WASL: variants seen among roughly 807,000 people sequenced by gnomAD.
The protein encoded by WASL is WASP like actin nucleation promoting factor.
Under a neutral mutation model 55.5 loss-of-function variants are expected in WASL, and 20 were observed. The ratio of observed to expected loss-of-function variants is 0.36; its 90% CI spans 0.25 to 0.52. WASL has a LOEUF of 0.52. Among genes scored for constraint, WASL ranks in the 20% least tolerant of loss-of-function variants. WASL has a pLI of 0.92. For synonymous variants in WASL, 249 were observed against 217.6 expected, an observed-to-expected ratio of 1.14 and a Z score of -1.27; for missense variants, 504 against 622.5, an observed-to-expected ratio of 0.81 and a Z score of 2.03.
intron 1 of WASL, among the ~76,000 whole-genome samples, chr7:123,728,733 G>A (rs887049208): frequency 6.6e-6 from 1 of 152,126 alleles, no homozygotes; most frequent in Admixed American, 6.5e-5. Context: ...CTACTTGGGA[G>A]GCTGAGGCAG....
At chr7:123,703,701 A>G (rs537895111) in intron 5 of WASL, among the ~76,000 whole-genome samples, 1 of 152,308 alleles carries the variant, frequency 6.6e-6, no homozygotes, top group South Asian at 2.1e-4. Context: ...AAGGCAACGT[A>G]TCTGTTTAAA....
At chr7:123,713,364 G>A (rs1315346364) in intron 1 of WASL, among the ~76,000 whole-genome samples, 1 of 152,010 alleles carries the variant, frequency 6.6e-6, no homozygotes, top group Non-Finnish European at 1.5e-5. Context: ...TGTTACGCAG[G>A]CTGGTCTCAA....
chr7:123,748,627 C>T lies in WASL; in HGVS notation c.108G>A (p.Lys36=). The change falls in exon 1 of 11, where the codon AAG becomes AAA. Residue 36 remains lysine, a synonymous_variant. Transcript: ENST00000223023. The part of the protein sequence containing the change: ...ENESLFTFLG[K]KCVTMSSAVV... The stretch of plus-strand genomic sequence containing the variant: ...GGTCTCGTCCACTGACCACACATTT[C>T]TTGCCGAGGAAAGTGAAGAGGGACT... 1 of 1,613,622 alleles carries T rather than the reference C, an allele frequency of 6.2e-7. No individual in the cohort carries two copies. Among genetic ancestry groups the T allele is most frequent in the South Asian group, 1.1e-5 (1 of 91,054 alleles).
At chr7:123,708,686 A>G (rs909761678) in intron 2 of WASL, among the ~76,000 whole-genome samples, 28 of 152,272 alleles carry the variant, frequency 1.8e-4, no homozygotes, top group African/African-American at 6.7e-4. Context: ...CCTGGGCTAA[A>G]TAACAGTACA....
At chr7:123,732,979 T>TAA (rs150606156) in intron 1 of WASL, among the ~76,000 whole-genome samples, 1 of 151,568 alleles carries the variant, frequency 6.6e-6, no homozygotes, top group Non-Finnish European at 1.5e-5. Flanking sequence ...TCATTCATAA[T>TAA]AAAAAAAAAT....
intron 7 of WASL, 59 bp from the exon 8 acceptor site, chr7:123,694,927 T>A: frequency 1.3e-6 from 2 of 1,537,134 alleles, no homozygotes; most frequent in Non-Finnish European, 1.8e-6. Flanking sequence ...AAACATAATT[T>A]TAAGTCTCAT....
In WASL at chr7:123,723,583, G is replaced by C. The variant is rs150823941; in HGVS notation, c.118-14360C>G. Among the ~76,000 whole-genome samples the C allele has an allele frequency of 5.0e-4, 76 of 152,290 alleles. 1 individual carries two copies. Among genetic ancestry groups the C allele is most frequent in the African/African-American group, 1.8e-3 (75 of 41,558 alleles). ...CAACCCCAATACTTCCAGTGTTAGA[G>C]ACTCATTGCCTCTCTCCAGGAACAA... On this transcript the variant is annotated intron_variant, in intron 1 of 10. Coordinates refer to ENST00000223023, the MANE Select transcript of WASL (RefSeq NM_003941.4).
intron 5 of WASL, among the ~76,000 whole-genome samples, chr7:123,702,990 T>C (rs961527253): frequency 2.0e-5 from 3 of 152,236 alleles, no homozygotes; most frequent in Non-Finnish European, 4.4e-5. Context: ...CTCAATACTG[T>C]ATATACTCTC....
chr7:123,684,381 T>C lies in WASL; in HGVS notation c.*138A>G. 2.9e-6 allele frequency: 1 copy of C among 349,346 alleles called. No individual in the cohort carries two copies. Among genetic ancestry groups the C allele is most frequent in the Non-Finnish European group, 5.3e-6 (1 of 188,288 alleles). 21.6% of individuals were successfully genotyped at this position (349,346 alleles called of 1,614,324 possible). A position where few individuals can be genotyped will look rare whatever the true frequency, so the allele number is the denominator to read the frequency against. ...AGATTAAATGAGGTATTGCACAGATTAAAAAAAAGCAAAAAAGGCAACAAA... is the reference window on the plus strand; with the variant it reads ...AGATTAAATGAGGTATTGCACAGATCAAAAAAAAGCAAAAAAGGCAACAAA... On this transcript the variant is annotated 3_prime_UTR_variant, in exon 11 of 11. Coordinates refer to ENST00000223023, the MANE Select transcript of WASL (RefSeq NM_003941.4).
chr7:123,732,308 TGA>T (rs1405568107), intron 1 of WASL, among the ~76,000 whole-genome samples: 4 of 151,876 alleles, frequency 2.6e-5, no homozygotes, highest in Admixed American at 1.3e-4. Context: ...CCAGCCTGGG[TGA>T]TAGAGCGAGA....
intron 1 of WASL, among the ~76,000 whole-genome samples, chr7:123,722,169 C>T (rs550860488): frequency 1.9e-4 from 29 of 152,002 alleles, no homozygotes; most frequent in Non-Finnish European, 1.6e-4. Flanking sequence ...ATTTCAAGTG[C>T]GCAATAATCA....
At chr7:123,706,606 A>G (rs1240421428) in intron 3 of WASL, 134 bp downstream of exon 3, 5 of 800,448 alleles carry the variant, frequency 6.2e-6, no homozygotes, top group Non-Finnish European at 9.8e-6. Context: ...ACTAATTTGA[A>G]TATTTCATCT....
At chr7:123,707,471 C>A (rs1470748820) in intron 2 of WASL, among the ~76,000 whole-genome samples, 1 of 152,074 alleles carries the variant, frequency 6.6e-6, no homozygotes, top group Admixed American at 6.6e-5. Context: ...GCTGCCATAT[C>A]TATTGCCATA....
chr7:123,708,068 C>G (rs1306375551), intron 2 of WASL, among the ~76,000 whole-genome samples: 1 of 152,046 alleles, frequency 6.6e-6, no homozygotes, highest in African/African-American at 2.4e-5. Context: ...CACCTGTAGT[C>G]ACAGCTACTC....
rs886424750 is a variant in WASL, at chr7:123,692,273, T to C, written c.1347+74A>G. ...GAAAAAAGAATACACTTTTCAAAAA[T>C]ATCTTTCAATAAATTACTTTAAAAT... is the stretch of plus-strand genomic sequence containing the variant. On this transcript the variant is annotated intron_variant, in intron 9 of 10. Coordinates refer to ENST00000223023, the MANE Select transcript of WASL (RefSeq NM_003941.4). 10 of 1,514,928 alleles carry C rather than the reference T, an allele frequency of 6.6e-6. No homozygotes were observed. The African/African-American group carries it at 1.3e-4, about 19-fold the overall frequency. 93.8% of individuals were successfully genotyped at this position (1,514,928 alleles called of 1,614,324 possible). A position where few individuals can be genotyped will look rare whatever the true frequency, so the allele number is the denominator to read the frequency against.
At position 123,727,353 on chromosome 7, in the gene WASL, T is replaced by TCACACACACACACACACACA. The variant is rs150375537; in HGVS notation, c.118-18150_118-18131dup. ...TGCCCAAAAGAAATAAAAATATGTG[T>TCACACACACACACACACACA]CACACACACACACACACACACACAC... On this transcript the variant is annotated intron_variant, in intron 1 of 10. Transcript: ENST00000223023. Among the ~76,000 whole-genome samples the TCACACACACACACACACACA allele has an allele frequency of 2.0e-3, 297 of 147,810 alleles. 1 individual carries two copies. Among genetic ancestry groups the TCACACACACACACACACACA allele is most frequent in the African/African-American group, 2.2e-3 (89 of 40,006 alleles).
At chr7:123,702,142 G>A (rs933860092) in intron 5 of WASL, among the ~76,000 whole-genome samples, 6 of 150,774 alleles carry the variant, frequency 4.0e-5, no homozygotes, top group Admixed American at 1.3e-4. Context: ...TGCAACCTCC[G>A]CCTTCTGGGT....
At chr7:123,726,371 AC>A (rs1421014722) in intron 1 of WASL, among the ~76,000 whole-genome samples, 1 of 152,202 alleles carries the variant, frequency 6.6e-6, no homozygotes, top group Non-Finnish European at 1.5e-5. Flanking sequence ...TTTATATAAC[AC>A]AAAAAATTTG....
Position 123,684,537 on chromosome 7 carries a change from A to C in WASL, c.1500T>G (p.Asp500Glu). The C allele has an allele frequency of 8.6e-6, 10 of 1,162,136 alleles. No homozygotes were observed. Among genetic ancestry groups the C allele is most frequent in the Non-Finnish European group, 1.0e-5 (8 of 799,202 alleles). 72.0% of individuals were successfully genotyped at this position (1,162,136 alleles called of 1,614,324 possible). A position where few individuals can be genotyped will look rare whatever the true frequency, so the allele number is the denominator to read the frequency against. ...ATATAGATCAGTCTTCCCACTCATC[A>C]TCATCCTCAAAATCTTCTTCATCAT... ...DEDDEEDFED[D>E]DEWED Residue 500 changes from aspartate to glutamate, a missense_variant, in exon 11 of 11, where the codon GAT becomes GAG. Physicochemically the swap from Asp to Glu is conservative, Grantham distance 45. Transcript: ENST00000223023.
Sources: gnomAD v4.1 joint callset for allele counts (sites outside exome capture counted in the v4.1 genomes callset) on GRCh38, gnomAD v4.1.1 for gene constraint, MANE v1.5 for transcripts, NCBI Gene and HGNC (gene_info 2026-07-23, HGNC 2026-07-21) for gene names.